The following NBEA variants were observed in gnomAD, a reference collection of about 807,000 sequenced individuals.
The protein encoded by NBEA is lysosomal-trafficking regulator 2.
NBEA carries 44 observed loss-of-function variants against 343.4 expected under a neutral mutation model. The observed-to-expected ratio is 0.13, with a 90% CI of 0.10 to 0.16. NBEA has a LOEUF of 0.16. NBEA is among the 10% of genes least tolerant of loss of function. The pLI is 1.00. For missense variants in NBEA, 2,555 were observed against 3,631.3 expected, an observed-to-expected ratio of 0.70 and a Z score of 7.62; for synonymous variants, 1,175 against 1,238.7, an observed-to-expected ratio of 0.95 and a Z score of 1.08.
intron 36 of NBEA, among the ~76,000 whole-genome samples, chr13:35,346,332 C>A (rs769296060): frequency 6.6e-6 from 1 of 152,104 alleles, no homozygotes; most frequent in African/African-American, 2.4e-5. Flanking sequence ...AGCCATTGAA[C>A]GAAATATTCT....
intron 38 of NBEA, among the ~76,000 whole-genome samples, chr13:35,417,833 G>C (rs1036998759): frequency 6.6e-6 from 1 of 151,986 alleles, no homozygotes; most frequent in African/African-American, 2.4e-5. Flanking sequence ...TTGACAGTGG[G>C]GTGTTAAAAT....
intron 1 of NBEA, among the ~76,000 whole-genome samples, chr13:35,015,140 C>CAAAAA (rs2061610416): frequency 2.9e-5 from 1 of 34,816 alleles, no homozygotes; most frequent in Non-Finnish European, 5.1e-5. Flanking sequence ...AAAAAAAAAA[C>CAAAAA]AAACAAAAAA....
In NBEA at chr13:35,005,240, G is replaced by A. The variant is rs527419542; in HGVS notation, c.295-35693G>A. The stretch of plus-strand genomic sequence containing the variant: ...GATTTTTTTTTTTTTTTCTGACCAT[G>A]ATAATAAAGATGTTTCCCTCTGAGG... On this transcript the variant is annotated intron_variant, in intron 1 of 58. Coordinates refer to ENST00000379939, the MANE Select transcript of NBEA (RefSeq NM_001385012.1). 6.7e-5 allele frequency among the ~76,000 whole-genome samples: 10 copies of A among 149,168 alleles called. No individual in the cohort carries two copies. The South Asian group carries it at 2.1e-3, about 32-fold the overall frequency.
intron 39 of NBEA, among the ~76,000 whole-genome samples, chr13:35,437,584 A>G (rs755094804): frequency 2.5e-4 from 38 of 152,130 alleles, no homozygotes; most frequent in African/African-American, 7.9e-4. Context: ...GAGGCAGGTA[A>G]TTTTTTCCCT....
chr13:35,369,827 G>A (rs2041328220), intron 38 of NBEA, among the ~76,000 whole-genome samples: 1 of 151,828 alleles, frequency 6.6e-6, no homozygotes, highest in South Asian at 2.1e-4. Flanking sequence ...TTCGAATTTG[G>A]ATGCCCATTA....
chr13:35,362,947 A>G (rs189542140), intron 38 of NBEA, among the ~76,000 whole-genome samples: 1 of 151,946 alleles, frequency 6.6e-6, no homozygotes, highest in African/African-American at 2.4e-5. Flanking sequence ...CTGTAAAGTA[A>G]AAATTATATG....
chr13:35,483,277 T>G (rs1390995057), intron 41 of NBEA, among the ~76,000 whole-genome samples: 3 of 151,948 alleles, frequency 2.0e-5, no homozygotes, highest in Non-Finnish European at 4.4e-5. Context: ...CAAGTAAGAA[T>G]GGGTTTCTCA....
chr13:35,361,260 C>T (rs2040790623), intron 38 of NBEA, among the ~76,000 whole-genome samples: 1 of 152,000 alleles, frequency 6.6e-6, no homozygotes, highest in South Asian at 2.1e-4. Context: ...AAAATTAAAA[C>T]ATTCTCAATG....
At chr13:35,648,299 T>G (rs2153077945) in intron 51 of NBEA, among the ~76,000 whole-genome samples, 1 of 147,284 alleles carries the variant, frequency 6.8e-6, no homozygotes, top group Non-Finnish European at 1.5e-5. Context: ...TCTGTGTAAC[T>G]AAACAGAAAG....
chr13:35,312,385 G>A (rs764518042), intron 36 of NBEA, among the ~76,000 whole-genome samples: 1 of 152,194 alleles, frequency 6.6e-6, no homozygotes, highest in Non-Finnish European at 1.5e-5. Flanking sequence ...AGAGGGAATT[G>A]TATAGTGCAG....
At chr13:35,463,717 G>T (rs1441139966) in intron 40 of NBEA, among the ~76,000 whole-genome samples, 1 of 152,002 alleles carries the variant, frequency 6.6e-6, no homozygotes, top group African/African-American at 2.4e-5. Context: ...CAAACATCTT[G>T]GCCTAAGTAG....
intron 41 of NBEA, among the ~76,000 whole-genome samples, chr13:35,480,182 G>A (rs1250359048): frequency 6.6e-6 from 1 of 151,854 alleles, no homozygotes; most frequent in East Asian, 1.9e-4. Context: ...AAATAACAGT[G>A]GCAAAACAAC....
intron 34 of NBEA, among the ~76,000 whole-genome samples, chr13:35,246,454 A>G (rs1293140953): frequency 1.3e-5 from 2 of 152,158 alleles, no homozygotes; most frequent in Non-Finnish European, 2.9e-5. Context: ...GCTGCTGTTC[A>G]GATTCTTTTG....
intron 12 of NBEA, among the ~76,000 whole-genome samples, chr13:35,109,729 G>A (rs1168492854): frequency 6.6e-6 from 1 of 151,956 alleles, no homozygotes; most frequent in African/African-American, 2.4e-5. Flanking sequence ...TGAAAGACTA[G>A]GAAAGAGAAC....
intron 40 of NBEA, among the ~76,000 whole-genome samples, chr13:35,457,935 C>T (rs901263772): frequency 6.6e-6 from 1 of 152,188 alleles, no homozygotes; most frequent in African/African-American, 2.4e-5. Flanking sequence ...GGCAGTTATT[C>T]CATTGTATGG....
chr13:35,026,729 A>G (rs919295163), intron 1 of NBEA, among the ~76,000 whole-genome samples: 9 of 152,240 alleles, frequency 5.9e-5, no homozygotes, highest in South Asian at 4.1e-4. Flanking sequence ...TAAATTTTCT[A>G]GTAGCCACAT....
chr13:35,081,352 C>A (rs1320010646), intron 10 of NBEA, among the ~76,000 whole-genome samples: 1 of 152,094 alleles, frequency 6.6e-6, no homozygotes, highest in African/African-American at 2.4e-5. Flanking sequence ...TTTGCAATAT[C>A]TTTATTAATG....
chr13:35,400,132 T>C (rs1437478426), intron 38 of NBEA, among the ~76,000 whole-genome samples: 1 of 145,388 alleles, frequency 6.9e-6, no homozygotes, highest in Non-Finnish European at 1.5e-5. Context: ...AGTGAGCATA[T>C]GCTGTTGGGA....
chr13:35,533,291 C>G (rs1594901437), intron 41 of NBEA, among the ~76,000 whole-genome samples: 1 of 151,990 alleles, frequency 6.6e-6, no homozygotes, highest in South Asian at 2.1e-4. Flanking sequence ...TGTGATTTAT[C>G]TATTTGAGCT....
Sources: allele counts gnomAD v4.1 joint callset (sites outside exome capture counted in the v4.1 genomes callset), GRCh38; gene constraint gnomAD v4.1.1; transcripts MANE v1.5; gene names NCBI Gene and HGNC (gene_info 2026-07-23, HGNC 2026-07-21).